CDK8: variants seen among roughly 807,000 people sequenced by gnomAD.
The protein encoded by CDK8 is cyclin dependent kinase 8, also known as cyclin-dependent kinase 8.
CDK8 carries 29 observed loss-of-function variants against 71.5 expected under a neutral mutation model. The observed-to-expected ratio is 0.41, with a 90% CI of 0.30 to 0.55. The LOEUF (loss-of-function observed/expected upper bound fraction) is 0.55. Among genes scored for constraint, CDK8 ranks in the 20% least tolerant of loss-of-function variants. CDK8 has a pLI of 0.37. For missense variants in CDK8, 288 were observed against 572.6 expected (o/e 0.50, Z 5.07); for synonymous variants, 161 against 192.1 (o/e 0.84, Z 1.34).
chr13:26,344,431 A>G (rs1308299645), intron 2 of CDK8, among the ~76,000 whole-genome samples: 2 of 152,098 alleles, frequency 1.3e-5, no homozygotes, highest in African/African-American at 4.8e-5. Flanking sequence ...CATGAATATC[A>G]TTGTCTTCCA....
intron 9 of CDK8, among the ~76,000 whole-genome samples, chr13:26,397,999 C>T (rs766984082): frequency 1.3e-5 from 2 of 152,174 alleles, no homozygotes; most frequent in Admixed American, 1.3e-4. Flanking sequence ...ATTCTTTCAC[C>T]TTGAAGAGGT....
chr13:26,345,182 G>A (rs1041811873), intron 2 of CDK8, among the ~76,000 whole-genome samples: 2 of 152,092 alleles, frequency 1.3e-5, no homozygotes, highest in African/African-American at 4.8e-5. Context: ...GCATGTGACT[G>A]TACGGTCACA....
Position 26,355,825 on chromosome 13 carries a change from G to A in CDK8, c.456+1945G>A, listed in dbSNP as rs575925866. On this transcript the variant is annotated intron_variant, in intron 4 of 12. Coordinates refer to ENST00000381527, the MANE Select transcript of CDK8 (RefSeq NM_001260.3). ...TTTTTTTCCCCGTAGAGTCAGTTAT[G>A]CTAAGATAGCTCTACATTTTCTTTT... 2.0e-5 allele frequency among the ~76,000 whole-genome samples: 3 copies of A among 152,086 alleles called. No individual in the cohort carries two copies. The South Asian group carries it at 6.2e-4, about 32-fold the overall frequency.
At chr13:26,396,226 TA>T in intron 7 of CDK8, 58 bp from the exon 8 acceptor site, 1 of 729,880 alleles carries the variant, frequency 1.4e-6, no homozygotes, top group Non-Finnish European at 2.2e-6. Flanking sequence ...ATAACCTTTT[TA>T]AAAATTCTCA....
chr13:26,400,761 C>G (rs1203343912), intron 10 of CDK8, among the ~76,000 whole-genome samples: 1 of 152,076 alleles, frequency 6.6e-6, no homozygotes, highest in African/African-American at 2.4e-5. Flanking sequence ...TTATGAAATG[C>G]TGATCACATT....
chr13:26,394,386 A>T (rs569164303), intron 7 of CDK8, among the ~76,000 whole-genome samples: 1 of 152,236 alleles, frequency 6.6e-6, no homozygotes, highest in Non-Finnish European at 1.5e-5. Flanking sequence ...ATTGGTCACC[A>T]GTGTGGAGAA....
chr13:26,269,499 G>A (rs550078086), intron 1 of CDK8, among the ~76,000 whole-genome samples: 2 of 151,972 alleles, frequency 1.3e-5, no homozygotes, highest in East Asian at 1.9e-4. Context: ...TAAGGAAATC[G>A]ATCAAAGTAG....
intron 1 of CDK8, among the ~76,000 whole-genome samples, chr13:26,257,523 G>A (rs986996957): frequency 1.2e-4 from 18 of 152,100 alleles, no homozygotes; most frequent in African/African-American, 4.3e-4. Flanking sequence ...GGATTAATTT[G>A]TTCTCACTCG....
chr13:26,320,309 G>A (rs1448000997), intron 1 of CDK8, among the ~76,000 whole-genome samples: 1 of 152,066 alleles, frequency 6.6e-6, no homozygotes, highest in African/African-American at 2.4e-5. Flanking sequence ...TACTCAGGAG[G>A]CTGGGTCGGG....
chr13:26,371,271 A>G (rs1874671059), intron 4 of CDK8, among the ~76,000 whole-genome samples: 1 of 152,202 alleles, frequency 6.6e-6, no homozygotes, highest in Non-Finnish European at 1.5e-5. Flanking sequence ...CTGTCTGACA[A>G]CATTTTATAG....
intron 2 of CDK8, among the ~76,000 whole-genome samples, chr13:26,342,237 A>G (rs1467275928): frequency 2.0e-5 from 3 of 152,204 alleles, no homozygotes; most frequent in Admixed American, 1.3e-4. Flanking sequence ...TTAACACAAA[A>G]TCTTCGAAAA....
chr13:26,362,883 A>G (rs987730639), intron 4 of CDK8, among the ~76,000 whole-genome samples: 1 of 152,172 alleles, frequency 6.6e-6, no homozygotes, highest in African/African-American at 2.4e-5. Flanking sequence ...TAATGATTTT[A>G]TCATAGTAGT....
At chr13:26,361,669 A>G (rs764769165) in intron 4 of CDK8, among the ~76,000 whole-genome samples, 4 of 151,986 alleles carry the variant, frequency 2.6e-5, no homozygotes, top group Admixed American at 2.6e-4. Flanking sequence ...CCAAAAAATT[A>G]TAAGTCACGC....
chr13:26,378,834 T>C (rs905056134), intron 4 of CDK8, among the ~76,000 whole-genome samples: 1 of 152,212 alleles, frequency 6.6e-6, no homozygotes, highest in Admixed American at 6.5e-5. Context: ...CTGCTACTGA[T>C]AGACGAGGAA....
At chr13:26,385,493 G>A in intron 6 of CDK8, 151 bp downstream of exon 6, 1 of 579,180 alleles carries the variant, frequency 1.7e-6, no homozygotes, top group Non-Finnish European at 2.8e-6. Flanking sequence ...CAAGCACTTT[G>A]GGAGGCGGAG....
At chr13:26,288,883 C>G (rs527466020) in intron 1 of CDK8, among the ~76,000 whole-genome samples, 139 of 151,994 alleles carry the variant, frequency 9.1e-4, no homozygotes, top group Non-Finnish European at 1.6e-3. Context: ...CCTCAGCCTC[C>G]TGGGACTATA....
intron 6 of CDK8, among the ~76,000 whole-genome samples, chr13:26,392,056 A>G (rs996947169): frequency 2.6e-5 from 4 of 152,194 alleles, no homozygotes; most frequent in Non-Finnish European, 5.9e-5. Flanking sequence ...GGTATTGGTT[A>G]AGTCAGTCAA....
At chr13:26,269,038 G>A (rs1261158611) in intron 1 of CDK8, among the ~76,000 whole-genome samples, 2 of 152,058 alleles carry the variant, frequency 1.3e-5, no homozygotes, top group African/African-American at 4.8e-5. Context: ...TTTCTCAGTT[G>A]CGTTCACTTA....
chr13:26,286,183 G>A (rs1873010833), intron 1 of CDK8, among the ~76,000 whole-genome samples: 1 of 152,084 alleles, frequency 6.6e-6, no homozygotes, highest in South Asian at 2.1e-4. Context: ...ATGGAACCAA[G>A]AAAGAGCCCA....
Sources: allele counts gnomAD v4.1 joint callset (sites outside exome capture counted in the v4.1 genomes callset), GRCh38; gene constraint gnomAD v4.1.1; transcripts MANE v1.5; gene names NCBI Gene and HGNC (gene_info 2026-07-23, HGNC 2026-07-21).